The following SPSB4 variants were observed in gnomAD, a reference collection of about 807,000 sequenced individuals.
SPSB4 encodes the protein splA/ryanodine receptor domain and SOCS box containing 4, also known as SPRY domain-containing SOCS box protein 4.
Under a neutral mutation model 20.9 loss-of-function variants are expected in SPSB4, and 21 were observed. The ratio of observed to expected loss-of-function variants is 1.01; its 90% CI spans 0.71 to 1.45. The LOEUF (loss-of-function observed/expected upper bound fraction) is 1.45, where lower values mean the gene tolerates loss of function less well. SPSB4 is among the 40% of genes most tolerant of loss of function. The pLI is 0.00. For missense variants in SPSB4, 399 were observed against 399.2 expected (o/e 1.00, Z 0.00); for synonymous variants, 207 against 183.8 (o/e 1.13, Z -1.02).
intron 2 of SPSB4, among the ~76,000 whole-genome samples, chr3:141,100,748 T>G (rs1360011648): frequency 6.6e-6 from 1 of 151,794 alleles, no homozygotes; most frequent in African/African-American, 2.4e-5. Context: ...AGGCCAAGGG[T>G]GGAGAGGCGG....
intron 2 of SPSB4, among the ~76,000 whole-genome samples, chr3:141,088,984 T>C (rs941320382): frequency 1.1e-4 from 17 of 152,238 alleles, no homozygotes; most frequent in Admixed American, 6.5e-5. Flanking sequence ...ATATACACTT[T>C]CTTTTTCACA....
At chr3:141,107,103 T>C (rs1225480481) in intron 2 of SPSB4, among the ~76,000 whole-genome samples, 1 of 152,182 alleles carries the variant, frequency 6.6e-6, no homozygotes, top group African/African-American at 2.4e-5. Context: ...AATGTGCTGA[T>C]TGGCTCAGCC....
intron 2 of SPSB4, among the ~76,000 whole-genome samples, chr3:141,099,929 A>G (rs1334302782): frequency 1.3e-5 from 2 of 152,196 alleles, no homozygotes; most frequent in Non-Finnish European, 2.9e-5. Flanking sequence ...ATGCCCTAGT[A>G]TGGTCTTGAC....
intron 2 of SPSB4, among the ~76,000 whole-genome samples, chr3:141,096,213 GCC>G (rs1365620845): frequency 2.0e-5 from 3 of 152,134 alleles, no homozygotes; most frequent in Admixed American, 6.5e-5. Context: ...ACCACCCAGG[GCC>G]CCAGGGGGAA....
At chr3:141,103,882 T>G (rs1938650112) in intron 2 of SPSB4, among the ~76,000 whole-genome samples, 1 of 152,032 alleles carries the variant, frequency 6.6e-6, no homozygotes, top group Non-Finnish European at 1.5e-5. Flanking sequence ...GATTCAGTTA[T>G]GTTTAGGGTG....
rs547411843 is a variant in SPSB4, at chr3:141,118,562, G to T, written c.695-28580G>T. On this transcript the variant is annotated intron_variant, in intron 2 of 2. Coordinates refer to ENST00000310546, the MANE Select transcript of SPSB4 (RefSeq NM_080862.3). ...TTGGTGTTTTAGTCATGAAGTCTTTGCTCATGCCTATGTCCTGAATGGTAT... is the reference window on the plus strand; with the variant it reads ...TTGGTGTTTTAGTCATGAAGTCTTTTCTCATGCCTATGTCCTGAATGGTAT... Among the ~76,000 whole-genome samples the T allele has an allele frequency of 5.3e-5, 8 of 152,246 alleles. No homozygotes were observed. The East Asian group carries it at 1.2e-3, about 22-fold the overall frequency.
chr3:141,066,698 C>T lies in SPSB4; in HGVS notation c.594C>T (p.Gly198=). 2 of 1,612,882 alleles carry T rather than the reference C, an allele frequency of 1.2e-6. No homozygotes were observed. The highest frequency in any genetic ancestry group is 1.1e-5 in the South Asian group (1 of 90,914). ...TCATCGTGGATGGCCAGTACCTGGGCGTGGCCTTCCGAGGTCTCAAGGGCA... is the reference window on the plus strand; with the variant it reads ...TCATCGTGGATGGCCAGTACCTGGGTGTGGCCTTCCGAGGTCTCAAGGGCA... The part of the protein sequence containing the change: ...LSFIVDGQYL[G]VAFRGLKGKK... The change falls in exon 2 of 3, where the codon GGC becomes GGT. Residue 198 remains glycine (G), a synonymous_variant. Transcript: ENST00000310546.
intron 2 of SPSB4, among the ~76,000 whole-genome samples, chr3:141,139,924 A>C (rs1050627138): frequency 2.0e-5 from 3 of 152,094 alleles, no homozygotes; most frequent in East Asian, 1.9e-4. Context: ...TATCCTGCAG[A>C]GTGTTTTCCA....
At chr3:141,093,684 C>T (rs565879321) in intron 2 of SPSB4, among the ~76,000 whole-genome samples, 1 of 152,298 alleles carries the variant, frequency 6.6e-6, no homozygotes, top group South Asian at 2.1e-4. Context: ...CTGTGCTTCT[C>T]TCCCATCATC....
chr3:141,087,155 T>A (rs1471087420), intron 2 of SPSB4, among the ~76,000 whole-genome samples: 2 of 152,124 alleles, frequency 1.3e-5, no homozygotes, highest in South Asian at 2.1e-4. Flanking sequence ...GAGGATGAGC[T>A]CTCTGAGCCT....
chr3:141,088,941 T>A (rs1296474667), intron 2 of SPSB4, among the ~76,000 whole-genome samples: 1 of 152,206 alleles, frequency 6.6e-6, no homozygotes, highest in African/African-American at 2.4e-5. Flanking sequence ...TAGGCATATA[T>A]AAGCACATCT....
chr3:141,126,703 C>T (rs541673178), intron 2 of SPSB4, among the ~76,000 whole-genome samples: 32 of 152,296 alleles, frequency 2.1e-4, no homozygotes, highest in Admixed American at 1.7e-3. Context: ...TCCTTTAATT[C>T]GCACAAGCAC....
chr3:141,078,184 T>A (rs563509180), intron 2 of SPSB4, among the ~76,000 whole-genome samples: 1 of 152,358 alleles, frequency 6.6e-6, no homozygotes, highest in South Asian at 2.1e-4. Context: ...ATTCCTCAGC[T>A]GTGGAAGAGC....
intron 2 of SPSB4, among the ~76,000 whole-genome samples, chr3:141,135,338 TTTATTA>T (rs56836958): frequency 5.4e-5 from 8 of 148,818 alleles, no homozygotes; most frequent in African/African-American, 1.7e-4. Context: ...CAGTTTTTCT[TTTATTA>T]TTATTATTAT....
Position 141,097,136 on chromosome 3 carries a change from C to G in SPSB4, c.694+30338C>G, listed in dbSNP as rs114935297. ...ATGCCACTCAGCCTGCATGGGGACT[C>G]TCCATCAGCAGCTCCCAGCCGCCAT... is the stretch of plus-strand genomic sequence containing the variant. On this transcript the variant is annotated intron_variant, in intron 2 of 2. Coordinates refer to ENST00000310546, the MANE Select transcript of SPSB4 (RefSeq NM_080862.3). Among the ~76,000 whole-genome samples the G allele has an allele frequency of 2.1e-3, 326 of 152,350 alleles. 2 individuals carry two copies. Among genetic ancestry groups the G allele is most frequent in the African/African-American group, 7.1e-3 (296 of 41,586 alleles).
rs2107796908 is a variant in SPSB4, at chr3:141,106,476, C to T, written c.694+39678C>T. Among the ~76,000 whole-genome samples, 2 of 152,304 alleles carry T rather than the reference C, an allele frequency of 1.3e-5. 1 individual carries two copies. The highest frequency in any genetic ancestry group is 4.1e-4 in the South Asian group (2 of 4,832). The stretch of plus-strand genomic sequence containing the variant: ...TTCTCACCAGACCAGAGACCCTCTA[C>T]CACACCCTAGGGTATCCATCAGGAA... On this transcript the variant is annotated intron_variant, in intron 2 of 2. Transcript: ENST00000310546.
At chr3:141,094,209 C>T (rs1938509394) in intron 2 of SPSB4, among the ~76,000 whole-genome samples, 1 of 152,222 alleles carries the variant, frequency 6.6e-6, no homozygotes, top group Admixed American at 6.5e-5. Flanking sequence ...CCCACAGCTC[C>T]CAGTCTCCTC....
At chr3:141,105,663 G>A (rs1449972762) in intron 2 of SPSB4, among the ~76,000 whole-genome samples, 2 of 152,172 alleles carry the variant, frequency 1.3e-5, no homozygotes, top group African/African-American at 2.4e-5. Flanking sequence ...AAAGCCAGGC[G>A]GGTCTGACTT....
At chr3:141,123,323 C>G (rs771312801) in intron 2 of SPSB4, among the ~76,000 whole-genome samples, 2 of 152,210 alleles carry the variant, frequency 1.3e-5, no homozygotes, top group African/African-American at 2.4e-5. Context: ...GTGTTGTCTC[C>G]GCCAATCTGC....
Sources: allele counts gnomAD v4.1 joint callset (sites outside exome capture counted in the v4.1 genomes callset), GRCh38; gene constraint gnomAD v4.1.1; transcripts MANE v1.5; gene names NCBI Gene and HGNC (gene_info 2026-07-23, HGNC 2026-07-21).